Variants in INTS4 observed in about 807,000 individuals in gnomAD.
The protein encoded by INTS4 is integrator complex subunit 4.
INTS4 carries 70 observed loss-of-function variants against 119.5 expected under a neutral mutation model. That is an observed-to-expected ratio of 0.59 (90% CI 0.48 to 0.71). The LOEUF (loss-of-function observed/expected upper bound fraction) is 0.71. INTS4 is among the 30% of genes least tolerant of loss of function. The pLI is 0.00. For missense variants in INTS4, 867 were observed against 1,173.2 expected, an observed-to-expected ratio of 0.74 and a Z score of 3.81; for synonymous variants, 316 against 419.6, an observed-to-expected ratio of 0.75 and a Z score of 3.02.
chr11:77,946,787 C>T (rs1170975861), intron 8 of INTS4, among the ~76,000 whole-genome samples: 1 of 150,264 alleles, frequency 6.7e-6, no homozygotes, highest in Non-Finnish European at 1.5e-5. Context: ...AAAAAAGTCT[C>T]CAATGACAGA....
intron 4 of INTS4, among the ~76,000 whole-genome samples, chr11:77,974,233 C>CT (rs1293761648): frequency 1.2e-4 from 12 of 98,262 alleles, no homozygotes; most frequent in East Asian, 2.8e-4. Flanking sequence ...TATAATTTTT[C>CT]TTTTCTTTTT....
chr11:77,935,600 T>C (rs1953769091), intron 10 of INTS4, among the ~76,000 whole-genome samples: 1 of 151,966 alleles, frequency 6.6e-6, no homozygotes, highest in Non-Finnish European at 1.5e-5. Flanking sequence ...ACAGTTAACT[T>C]AGAAGAATTT....
intron 2 of INTS4, among the ~76,000 whole-genome samples, chr11:77,990,359 C>A (rs917370236): frequency 6.6e-6 from 1 of 152,072 alleles, no homozygotes; most frequent in Admixed American, 6.6e-5. Context: ...CCACTAAACT[C>A]TAGGCTGGGT....
intron 4 of INTS4, among the ~76,000 whole-genome samples, chr11:77,970,040 A>G (rs751851104): frequency 1.3e-5 from 2 of 152,168 alleles, no homozygotes; most frequent in African/African-American, 4.8e-5. Context: ...TTATTTATCA[A>G]TTCATCAGCT....
chr11:77,943,558 T>C (rs950471755), intron 8 of INTS4, among the ~76,000 whole-genome samples: 14 of 152,182 alleles, frequency 9.2e-5, no homozygotes, highest in African/African-American at 3.1e-4. Context: ...ACCAAAAAGA[T>C]AATGAGTTCA....
chr11:77,940,440 G>GA (rs1487113569), intron 9 of INTS4, among the ~76,000 whole-genome samples: 1 of 151,902 alleles, frequency 6.6e-6, no homozygotes, highest in Non-Finnish European at 1.5e-5. Flanking sequence ...CAAAAAAAAA[G>GA]AAGAAAAAAT....
chr11:77,927,019 T>C (rs188654237), intron 11 of INTS4, among the ~76,000 whole-genome samples: 205 of 152,302 alleles, frequency 1.3e-3, no homozygotes, highest in Middle Eastern at 6.8e-3. Flanking sequence ...GAAGGCTTCC[T>C]GGATATGTTA....
Position 77,937,014 on chromosome 11 carries a change from A to C in INTS4, c.1165+1637T>G, listed in dbSNP as rs1953811521. On this transcript the variant is annotated intron_variant, in intron 10 of 22. Transcript: ENST00000534064. ...ACATGGCAAAACCCCGTCTCTACTA[A>C]AAATACAGAAATTAGCCGAGAGTGG... is the stretch of plus-strand genomic sequence containing the variant. Among the ~76,000 whole-genome samples, 6 of 152,154 alleles carry C rather than the reference A, an allele frequency of 3.9e-5. No individual in the cohort carries two copies. In the South Asian group the frequency reaches 1.2e-3, roughly 31 times the overall value.
At chr11:77,990,178 C>T (rs1856613510) in intron 2 of INTS4, among the ~76,000 whole-genome samples, 1 of 147,504 alleles carries the variant, frequency 6.8e-6, no homozygotes, top group Non-Finnish European at 1.5e-5. Flanking sequence ...AAGATTGTGC[C>T]ACCACTATAC....
At chr11:77,876,815 G>C (rs56214713), downstream of INTS4, 1 of 597,162 alleles carries the variant, frequency 1.7e-6, no homozygotes, top group Non-Finnish European at 3.0e-6. Flanking sequence ...TGGAAAATGA[G>C]GGCTAACTTG....
At chr11:77,949,744 C>A (rs1474221515) in intron 8 of INTS4, among the ~76,000 whole-genome samples, 1 of 152,066 alleles carries the variant, frequency 6.6e-6, no homozygotes. Context: ...TGTGGAGAAA[C>A]AGGAACACTT....
At chr11:77,935,107 G>A (rs901563972) in intron 10 of INTS4, among the ~76,000 whole-genome samples, 2 of 152,210 alleles carry the variant, frequency 1.3e-5, no homozygotes, top group African/African-American at 4.8e-5. Context: ...ACATGAGACA[G>A]ATAGCATATG....
intron 4 of INTS4, among the ~76,000 whole-genome samples, chr11:77,972,097 CCTT>C (rs1006049818): frequency 1.3e-5 from 2 of 152,022 alleles, no homozygotes; most frequent in Admixed American, 6.6e-5. Flanking sequence ...TATTTCTTCT[CCTT>C]CTTCTTCTTT....
At chr11:77,910,886 C>T in intron 15 of INTS4, 2 of 595,322 alleles carry the variant, frequency 3.4e-6, no homozygotes, top group Non-Finnish European at 5.6e-6. Context: ...TATTACCTAA[C>T]CATCTCAGCA....
At chr11:77,965,751 T>C (rs1255956742) in intron 4 of INTS4, among the ~76,000 whole-genome samples, 2 of 152,218 alleles carry the variant, frequency 1.3e-5, no homozygotes, top group Non-Finnish European at 2.9e-5. Flanking sequence ...GTTGATTCCA[T>C]ACATTGGCTA....
chr11:77,876,255 A>G (rs556331867), downstream of INTS4, among the ~76,000 whole-genome samples: 1 of 152,252 alleles, frequency 6.6e-6, no homozygotes, highest in African/African-American at 2.4e-5. Context: ...CTGTGATGAA[A>G]GTCACCTGGG....
At chr11:77,876,254 A>G (rs1951591387), downstream of INTS4, among the ~76,000 whole-genome samples, 1 of 152,122 alleles carries the variant, frequency 6.6e-6, no homozygotes, top group Non-Finnish European at 1.5e-5. Flanking sequence ...CCTGTGATGA[A>G]AGTCACCTGG....
chr11:77,884,895 C>T (rs1247422263), intron 21 of INTS4: 4 of 251,952 alleles, frequency 1.6e-5, no homozygotes, highest in Non-Finnish European at 3.4e-5. Context: ...GTGGGGATTA[C>T]AGGCACGTGC....
intron 15 of INTS4, among the ~76,000 whole-genome samples, chr11:77,914,811 T>A (rs1044841662): frequency 1.3e-5 from 2 of 152,190 alleles, no homozygotes; most frequent in Non-Finnish European, 2.9e-5. Context: ...TAGAGTACTG[T>A]TACTGGCACA....
Sources: gnomAD v4.1 joint callset for allele counts (sites outside exome capture counted in the v4.1 genomes callset) on GRCh38, gnomAD v4.1.1 for gene constraint, MANE v1.5 for transcripts, NCBI Gene and HGNC (gene_info 2026-07-23, HGNC 2026-07-21) for gene names.